Variants in ZNF704 observed in about 807,000 individuals in gnomAD.
ZNF704 encodes glucocorticoid induced gene 1.
Under a neutral mutation model 44.7 loss-of-function variants are expected in ZNF704, and 10 were observed. The ratio of observed to expected loss-of-function variants is 0.22; its 90% CI spans 0.14 to 0.38. The LOEUF (loss-of-function observed/expected upper bound fraction) is 0.38. Among genes scored for constraint, ZNF704 ranks in the 10% least tolerant of loss-of-function variants. ZNF704 has a pLI of 1.00. For synonymous variants in ZNF704, 211 were observed against 207.6 expected (o/e 1.02, Z -0.14); for missense variants, 390 against 545.5 (o/e 0.71, Z 2.84).
At chr8:80,868,937 C>T (rs1809202520) in intron 1 of ZNF704, among the ~76,000 whole-genome samples, 1 of 152,324 alleles carries the variant, frequency 6.6e-6, no homozygotes, top group South Asian at 2.1e-4. Context: ...CACCTCTGCT[C>T]AATCCAGTCC....
At chr8:80,690,052 T>A (rs1248436706) in intron 3 of ZNF704, among the ~76,000 whole-genome samples, 2 of 146,122 alleles carry the variant, frequency 1.4e-5, no homozygotes, top group Non-Finnish European at 2.9e-5. Flanking sequence ...GAGAAAATCT[T>A]TTTTTCCTAA....
At chr8:80,782,057 C>G (rs760781698) in intron 2 of ZNF704, among the ~76,000 whole-genome samples, 1 of 152,198 alleles carries the variant, frequency 6.6e-6, no homozygotes, top group Non-Finnish European at 1.5e-5. Context: ...TAGGAAATTA[C>G]TGCTTAGAGA....
chr8:80,682,413 GA>G (rs1055329341), intron 4 of ZNF704, among the ~76,000 whole-genome samples: 2 of 152,226 alleles, frequency 1.3e-5, no homozygotes, highest in Admixed American at 6.5e-5. Context: ...GAAATAAATG[GA>G]AATGATGAAG....
intron 2 of ZNF704, among the ~76,000 whole-genome samples, chr8:80,758,732 C>CT (rs1240200659): frequency 6.6e-6 from 1 of 152,048 alleles, no homozygotes; most frequent in East Asian, 1.9e-4. Flanking sequence ...AAAGCATACA[C>CT]TTTTTTCATA....
At chr8:80,724,027 A>G (rs1331928011) in intron 2 of ZNF704, among the ~76,000 whole-genome samples, 1 of 152,244 alleles carries the variant, frequency 6.6e-6, no homozygotes, top group Non-Finnish European at 1.5e-5. Flanking sequence ...GTGGAACTGT[A>G]TTATATTTAC....
chr8:80,784,462 A>G (rs1228802329), intron 2 of ZNF704, among the ~76,000 whole-genome samples: 1 of 152,188 alleles, frequency 6.6e-6, no homozygotes, highest in African/African-American at 2.4e-5. Flanking sequence ...TGGCCATTTT[A>G]ATAGGTATAT....
intron 1 of ZNF704, among the ~76,000 whole-genome samples, chr8:80,841,256 GA>G (rs1245723539): frequency 6.6e-6 from 1 of 152,204 alleles, no homozygotes; most frequent in African/African-American, 2.4e-5. Flanking sequence ...AGTCTTGGAA[GA>G]AACCAAGTCA....
intron 4 of ZNF704, among the ~76,000 whole-genome samples, chr8:80,674,894 C>T (rs907776581): frequency 1.3e-5 from 2 of 152,156 alleles, no homozygotes; most frequent in African/African-American, 2.4e-5. Flanking sequence ...CAAAAATACA[C>T]GTACCCAACA....
At chr8:80,728,404 G>A (rs1806520604) in intron 2 of ZNF704, among the ~76,000 whole-genome samples, 1 of 152,060 alleles carries the variant, frequency 6.6e-6, no homozygotes, top group Admixed American at 6.5e-5. Flanking sequence ...TTCTTGTTTT[G>A]GCCAAGAAAC....
chr8:80,716,862 C>T (rs541687408), intron 2 of ZNF704, among the ~76,000 whole-genome samples: 69 of 152,172 alleles, frequency 4.5e-4, no homozygotes, highest in Non-Finnish European at 7.2e-4. Flanking sequence ...ACATGGAGGG[C>T]ATATGCTGTC....
intron 2 of ZNF704, among the ~76,000 whole-genome samples, chr8:80,789,126 A>C (rs190981729): frequency 3.9e-5 from 6 of 152,362 alleles, no homozygotes; most frequent in Admixed American, 1.3e-4. Context: ...AGAAACCATA[A>C]GAAAACAACT....
Position 80,810,358 on chromosome 8 carries a change from A to G in ZNF704, c.221+11016T>C, listed in dbSNP as rs540292203. On this transcript the variant is annotated intron_variant, in intron 2 of 8. Transcript: ENST00000327835. Reference sequence around the variant, plus strand: ...AGGTTAACATTTAAAAGGAGAATCAATAACAGTTTAAGCAAGTAACAAAAT... The same window carrying G: ...AGGTTAACATTTAAAAGGAGAATCAGTAACAGTTTAAGCAAGTAACAAAAT... Among the ~76,000 whole-genome samples the G allele has an allele frequency of 8.5e-5, 13 of 152,386 alleles. No individual in the cohort carries two copies. In the South Asian group the frequency reaches 2.5e-3, roughly 29 times the overall value.
At chr8:80,653,578 C>A (rs1309550701) in intron 7 of ZNF704, among the ~76,000 whole-genome samples, 4 of 152,286 alleles carry the variant, frequency 2.6e-5, no homozygotes, top group Admixed American at 1.3e-4. Context: ...CATGAGTGAA[C>A]TCCCATTCAC....
intron 2 of ZNF704, among the ~76,000 whole-genome samples, chr8:80,771,015 A>C (rs953846684): frequency 6.6e-6 from 1 of 152,154 alleles, no homozygotes; most frequent in Non-Finnish European, 1.5e-5. Flanking sequence ...CTTTTGTCAA[A>C]AACCAGTTAG....
At chr8:80,840,671 G>C (rs549140473) in intron 1 of ZNF704, among the ~76,000 whole-genome samples, 2 of 152,244 alleles carry the variant, frequency 1.3e-5, no homozygotes, top group South Asian at 4.1e-4. Flanking sequence ...TTCCCAGGCT[G>C]TCTTTACTTC....
At chr8:80,713,601 AC>A (rs1159844035) in intron 2 of ZNF704, among the ~76,000 whole-genome samples, 29 of 152,332 alleles carry the variant, frequency 1.9e-4, no homozygotes, top group African/African-American at 7.0e-4. Flanking sequence ...AAGACAAGGC[AC>A]CTGCCGTATG....
the ZNF704 span, among the ~76,000 whole-genome samples, chr8:80,881,120 T>C: frequency 6.6e-6 from 1 of 152,368 alleles, no homozygotes; most frequent in Middle Eastern, 3.4e-3. Context: ...TTTCAGTGTG[T>C]GCAATGCAGT....
At chr8:80,651,012 C>T (rs934719263) in intron 7 of ZNF704, among the ~76,000 whole-genome samples, 1 of 152,194 alleles carries the variant, frequency 6.6e-6, no homozygotes, top group African/African-American at 2.4e-5. Flanking sequence ...GGCCAATATT[C>T]AACATTCTTA....
intron 2 of ZNF704, among the ~76,000 whole-genome samples, chr8:80,745,444 T>C (rs1053063851): frequency 4.6e-5 from 7 of 152,202 alleles, no homozygotes; most frequent in African/African-American, 1.7e-4. Flanking sequence ...ACTAGAAAAA[T>C]GCTCTGAGGG....
Sources: gnomAD v4.1 joint callset for allele counts (sites outside exome capture counted in the v4.1 genomes callset) on GRCh38, gnomAD v4.1.1 for gene constraint, MANE v1.5 for transcripts, NCBI Gene and HGNC (gene_info 2026-07-23, HGNC 2026-07-21) for gene names.